Variants in DSP observed in about 807,000 individuals in gnomAD.
DSP encodes desmoplakin.
DSP carries 114 observed loss-of-function variants against 290.6 expected under a neutral mutation model. That is an observed-to-expected ratio of 0.39 (90% CI 0.34 to 0.46). The LOEUF (loss-of-function observed/expected upper bound fraction) is 0.46, where lower values mean the gene tolerates loss of function less well. Ranked by LOEUF, DSP falls within the 20% of genes least tolerant of loss-of-function variation. DSP has a pLI of 0.99. For missense variants in DSP, 3,230 were observed against 3,495.8 expected (o/e 0.92, Z 1.92); for synonymous variants, 1,311 against 1,316.4 (o/e 1.00, Z 0.09).
chr6:7,583,181 G>A lies in DSP; in HGVS notation c.5919G>A (p.Lys1973=). 6.2e-7 allele frequency: 1 copy of A among 1,614,158 alleles called. No individual in the cohort carries two copies. The highest frequency in any genetic ancestry group is 1.1e-5 in the South Asian group (1 of 91,076). ...TSKLVFDGLR[K]KVTAMQLYEC... ...AGCTGGTGTTTGATGGGCTGAGGAA[G>A]AAGGTGACAGCAATGCAGCTCTATG... is the stretch of plus-strand genomic sequence containing the variant. Residue 1973 remains lysine, a synonymous_variant, in exon 24 of 24, where the codon AAG becomes AAA. Transcript: ENST00000379802. This position sits in a 1 kb window ranked among gnomAD's most constrained non-coding sequence, Gnocchi z 4.0.
At position 7,582,166 on chromosome 6, in the gene DSP, G is replaced by A. The variant is rs2757591; in HGVS notation, c.5380-476G>A. 0.69 allele frequency among the ~76,000 whole-genome samples: 101,117 copies of A among 145,764 alleles called. 35,749 individuals carry two copies. Among genetic ancestry groups the A allele is most frequent in the African/African-American group, 0.85 (34,121 of 40,142 alleles). ...TGTGTGTGTGTGTGTGTGTGTGTGT[G>A]TATATCTATATATTATATATATAAT... On this transcript the variant is annotated intron_variant, in intron 23 of 23. Coordinates refer to ENST00000379802, the MANE Select transcript of DSP (RefSeq NM_004415.4). This position sits in a 1 kb window ranked among gnomAD's most constrained non-coding sequence, Gnocchi z 4.2.
intron 23 of DSP, 103 bp downstream of exon 23, chr6:7,581,672 GA>G: frequency 6.6e-7 from 1 of 1,508,384 alleles, no homozygotes; most frequent in Non-Finnish European, 8.9e-7. Context: ...GATGCTTATA[GA>G]AAATCTAATT....
At chr6:7,574,992 T>C (rs1759190768) in intron 17 of DSP, among the ~76,000 whole-genome samples, 197 bp downstream of exon 17, 1 of 152,330 alleles carries the variant, frequency 6.6e-6, no homozygotes, top group Admixed American at 6.5e-5. Context: ...AAGAAAGTAA[T>C]TCGTGATGGG....
Position 7,565,599 on chromosome 6 carries a change from G to A in DSP, c.939+79G>A. 25 of 1,557,304 alleles carry A rather than the reference G, an allele frequency of 1.6e-5. No individual in the cohort carries two copies. The highest frequency in any genetic ancestry group is 1.9e-5 in the Non-Finnish European group (22 of 1,132,706). ...GAGCTGGGGTCTCGGGGAATGATTG[G>A]TCTATTAATAATTTAATCAGCCACT... On this transcript the variant is annotated intron_variant, in intron 7 of 23. Coordinates refer to ENST00000379802, the MANE Select transcript of DSP (RefSeq NM_004415.4). This position sits in a 1 kb window ranked among gnomAD's most constrained non-coding sequence, Gnocchi z 4.2.
In DSP at chr6:7,582,530, A is replaced by G; in HGVS notation, c.5380-112A>G. The stretch of plus-strand genomic sequence containing the variant: ...AGGGACAATATAGAAAGAAAAAATA[A>G]GCAAGGCTTTTTTTTTTAAAGATAG... On this transcript the variant is annotated intron_variant, in intron 23 of 23. Transcript: ENST00000379802. This position sits in a 1 kb window ranked among gnomAD's most constrained non-coding sequence, Gnocchi z 4.2. 4 of 1,019,276 alleles carry G rather than the reference A, an allele frequency of 3.9e-6. No homozygotes were observed. The highest frequency in any genetic ancestry group is 5.8e-6 in the Non-Finnish European group (4 of 687,400). 63.1% of individuals were successfully genotyped at this position (1,019,276 alleles called of 1,614,324 possible).
intron 1 of DSP, among the ~76,000 whole-genome samples, chr6:7,545,312 G>A (rs1002944651): frequency 8.5e-5 from 13 of 152,102 alleles, no homozygotes; most frequent in East Asian, 1.9e-4. Context: ...ATTTTAGAGC[G>A]GGGGGACCCC....
intron 12 of DSP, among the ~76,000 whole-genome samples, chr6:7,569,983 A>G (rs367638800): frequency 6.6e-6 from 1 of 152,244 alleles, no homozygotes; most frequent in Non-Finnish European, 1.5e-5. Flanking sequence ...TTTAATATCA[A>G]TATTCACTCA....
intron 1 of DSP, among the ~76,000 whole-genome samples, chr6:7,542,531 C>G (rs1758028344): frequency 6.6e-6 from 1 of 152,170 alleles, no homozygotes. Context: ...GAGTGGTGCT[C>G]GGGGCTCCGC....
In DSP at chr6:7,567,411, A is replaced by G. The variant is rs794728112; in HGVS notation, c.1102A>G (p.Ile368Val). Residue 368 changes from isoleucine (I) to valine (V), a missense_variant, in exon 9 of 24, where the codon ATT (isoleucine) becomes GTT (valine). Coordinates refer to ENST00000379802, the MANE Select transcript of DSP (RefSeq NM_004415.4). Reference sequence around the variant, plus strand: ...TTGGATTCTTCAGATCACCAAGTGCATTGATGTTCATCTGAAAGAAAATGC... The same window carrying G: ...TTGGATTCTTCAGATCACCAAGTGCGTTGATGTTCATCTGAAAGAAAATGC... ...WSWILQITKCIDVHLKENAAY... is the reference protein window; with the variant it reads ...WSWILQITKCVDVHLKENAAY... 2 of 1,614,102 alleles carry G rather than the reference A, an allele frequency of 1.2e-6. No homozygotes were observed. Among genetic ancestry groups the G allele is most frequent in the Non-Finnish European group, 1.7e-6 (2 of 1,180,024 alleles).
chr6:7,555,861 G>A (rs1758493998), intron 2 of DSP, 41 bp downstream of exon 2: 1 of 1,583,436 alleles, frequency 6.3e-7, no homozygotes, highest in Non-Finnish European at 8.6e-7. Context: ...CAAAGCCTTG[G>A]CCACACCCGA....
chr6:7,577,683 G>C (rs766232804), intron 20 of DSP, 96 bp from the exon 21 acceptor site: 6 of 1,011,532 alleles, frequency 5.9e-6, no homozygotes, highest in African/African-American at 3.2e-5. Flanking sequence ...GCAATTAGAC[G>C]TGCAGCCCAA....
chr6:7,575,539 T>A, intron 18 of DSP, 51 bp downstream of exon 18: 1 of 1,608,580 alleles, frequency 6.2e-7, no homozygotes, highest in South Asian at 1.1e-5. Context: ...TTTTGGTTGT[T>A]CACAAGATAA....
chr6:7,576,407 T>G lies in DSP; in HGVS notation c.2744T>G (p.Met915Arg), dbSNP rs750869761. 1 of 1,614,156 alleles carries G rather than the reference T, an allele frequency of 6.2e-7. No homozygotes were observed. Among genetic ancestry groups the G allele is most frequent in the Admixed American group, 1.7e-5 (1 of 60,016 alleles). Residue 915 changes from methionine to arginine, a missense_variant, in exon 19 of 24, where the codon ATG becomes AGG. Met to Arg is a moderately conservative substitution (Grantham distance 91). Transcript: ENST00000379802. Reference sequence around the variant, plus strand: ...CGCCGCCAGGATTCCTTAGAATCCATGAAATTTGGAGATTCCAACACAGTC... The same window carrying G: ...CGCCGCCAGGATTCCTTAGAATCCAGGAAATTTGGAGATTCCAACACAGTC... ...AKRRQDSLES[M>R]KFGDSNTVMR...
intron 1 of DSP, among the ~76,000 whole-genome samples, chr6:7,544,313 G>A (rs1272782408): frequency 1.3e-5 from 2 of 152,208 alleles, no homozygotes; most frequent in Non-Finnish European, 2.9e-5. Context: ...TGGCATTCTG[G>A]TTTTGTGTGG....
rs1561681501 is a variant in DSP, at chr6:7,559,277, C to T, written c.474C>T (p.Val158=). The T allele has an allele frequency of 6.2e-7, 1 of 1,613,982 alleles. No individual in the cohort carries two copies. Among genetic ancestry groups the T allele is most frequent in the Non-Finnish European group, 8.5e-7 (1 of 1,180,030 alleles). ...QMRALYKAIS[V]PRVRRASSKG... is the part of the protein sequence containing the mutation. ...GAGCCCTTTATAAAGCCATCAGTGT[C>T]CCTCGAGTCCGCAGGGCCAGCTCCA... is the stretch of plus-strand genomic sequence containing the variant. Residue 158 remains valine (V), a synonymous_variant, in exon 4 of 24, where the codon GTC becomes GTT. Coordinates refer to ENST00000379802, the MANE Select transcript of DSP (RefSeq NM_004415.4).
At chr6:7,570,010 C>G (rs888439150) in intron 12 of DSP, among the ~76,000 whole-genome samples, 4 of 152,162 alleles carry the variant, frequency 2.6e-5, no homozygotes, top group African/African-American at 9.7e-5. Flanking sequence ...GAAGAACATT[C>G]GTTTAACAGG....
In DSP at chr6:7,585,717, A is replaced by C. The variant is rs138329459; in HGVS notation, c.8455A>C (p.Met2819Leu). Reference sequence around the variant, plus strand: ...CAAGGGCTTACCCAGCCCTTACAACATGTCTTCGGCTCCGGGGTCCCGCTC... The same window carrying C: ...CAAGGGCTTACCCAGCCCTTACAACCTGTCTTCGGCTCCGGGGTCCCGCTC... ...SSKGLPSPYNMSSAPGSRSGS... is the reference protein window; with the variant it reads ...SSKGLPSPYNLSSAPGSRSGS... Residue 2819 changes from methionine (M) to leucine (L), a missense_variant, in exon 24 of 24, where the codon ATG becomes CTG. Met to Leu is a conservative substitution (Grantham distance 15). This residue lies in a region of DSP where 582 missense variants were observed against 555.4 expected (regional missense o/e 1.05). Coordinates refer to ENST00000379802, the MANE Select transcript of DSP (RefSeq NM_004415.4). The C allele has an allele frequency of 6.7e-4, 1,085 of 1,613,222 alleles. 5 individuals carry two copies. The Admixed American group carries it at 0.012, about 18-fold the overall frequency.
chr6:7,548,345 G>A (rs1581784511), intron 1 of DSP, among the ~76,000 whole-genome samples: 1 of 152,164 alleles, frequency 6.6e-6, no homozygotes, highest in East Asian at 1.9e-4. Flanking sequence ...ACTAAGTGAG[G>A]TCTCCGCCTC....
chr6:7,571,787 G>C (rs1439162525), intron 14 of DSP, 55 bp from the exon 15 acceptor site: 1 of 1,570,312 alleles, frequency 6.4e-7, no homozygotes, highest in Non-Finnish European at 8.7e-7. Flanking sequence ...TTGAGGCCTA[G>C]CACCTTGATA....
Sources: allele counts gnomAD v4.1 joint callset (sites outside exome capture counted in the v4.1 genomes callset), GRCh38; gene constraint gnomAD v4.1.1; regional missense constraint gnomAD v4.1.1; non-coding constraint Gnocchi (gnomAD v3.1); transcripts MANE v1.5; gene names NCBI Gene and HGNC (gene_info 2026-07-23, HGNC 2026-07-21).